ANO2: variants seen among roughly 807,000 people sequenced by gnomAD.
ANO2 encodes anoctamin 2.
A neutral mutation model predicts 124.2 loss-of-function variants in ANO2; 101 were observed. The observed-to-expected ratio is 0.81, with a 90% CI of 0.69 to 0.96. The LOEUF (loss-of-function observed/expected upper bound fraction) is 0.96, where lower values mean the gene tolerates loss of function less well. Ranked by LOEUF, ANO2 falls within the 40% of genes least tolerant of loss-of-function variation. The pLI, the probability that ANO2 is intolerant of heterozygous loss-of-function variation, is 0.00. For missense variants in ANO2, 1,293 were observed against 1,274.5 expected (o/e 1.01, Z -0.22); for synonymous variants, 486 against 482.5 (o/e 1.01, Z -0.09).
chr12:5,661,031 A>C (rs1384495874), intron 14 of ANO2, among the ~76,000 whole-genome samples: 4 of 152,198 alleles, frequency 2.6e-5, no homozygotes. Flanking sequence ...TGGCCCACAG[A>C]CCTGAAGAGC....
chr12:5,858,960 C>T (rs1187198391), intron 3 of ANO2, among the ~76,000 whole-genome samples: 2 of 152,206 alleles, frequency 1.3e-5, no homozygotes, highest in Admixed American at 1.3e-4. Flanking sequence ...AAATGTCCCA[C>T]ATGTCCTAAA....
intron 14 of ANO2, among the ~76,000 whole-genome samples, chr12:5,723,737 T>A (rs1180305245): frequency 6.6e-6 from 1 of 152,146 alleles, no homozygotes; most frequent in East Asian, 1.9e-4. Context: ...TACATAAAAT[T>A]GTCAGGGGGC....
Position 5,862,637 on chromosome 12 carries a change from C to T in ANO2, c.535-8496G>A, listed in dbSNP as rs980067444. On this transcript the variant is annotated intron_variant, in intron 3 of 24. Coordinates refer to ENST00000682330, the MANE Select transcript of ANO2 (RefSeq NM_001364791.2). This position sits in a 1 kb window ranked among gnomAD's most constrained non-coding sequence, Gnocchi z 4.0. ...TCTGACTCTGTCCCTGCCCAAATCT[C>T]ATCTTGAATTGTAGCTCCCATAATT... Among the ~76,000 whole-genome samples, 6 of 152,188 alleles carry T rather than the reference C, an allele frequency of 3.9e-5. No homozygotes were observed. Among genetic ancestry groups the T allele is most frequent in the African/African-American group, 1.4e-4 (6 of 41,434 alleles).
intron 19 of ANO2, among the ~76,000 whole-genome samples, chr12:5,603,144 T>C (rs1044347864): frequency 3.3e-5 from 5 of 152,150 alleles, no homozygotes; most frequent in African/African-American, 1.2e-4. Flanking sequence ...TTGATAGCTC[T>C]ATAGAAGGTT....
chr12:5,637,468 C>T (rs947529224), intron 15 of ANO2, among the ~76,000 whole-genome samples: 3 of 151,790 alleles, frequency 2.0e-5, no homozygotes, highest in African/African-American at 7.3e-5. Flanking sequence ...TGAAGGAAGA[C>T]GTGGGGAGAT....
At chr12:5,788,801 C>T (rs563304771) in intron 10 of ANO2, among the ~76,000 whole-genome samples, 98 of 152,254 alleles carry the variant, frequency 6.4e-4, no homozygotes, top group African/African-American at 2.3e-3. Context: ...TCAGGTGATC[C>T]GCCCACCTCG....
intron 10 of ANO2, among the ~76,000 whole-genome samples, chr12:5,762,562 G>A (rs1424480697): frequency 2.0e-5 from 3 of 151,838 alleles, no homozygotes; most frequent in Non-Finnish European, 4.4e-5. Flanking sequence ...TTTTGTTAAA[G>A]AAGAGTAATT....
intron 16 of ANO2, among the ~76,000 whole-genome samples, chr12:5,629,252 C>A (rs1035117558): frequency 1.3e-5 from 2 of 152,218 alleles, no homozygotes; most frequent in African/African-American, 4.8e-5. Context: ...AGCAAGCCAA[C>A]AGCATTTTGA....
chr12:5,565,528 A>T, intron 24 of ANO2, 30 bp downstream of exon 24: 1 of 1,544,776 alleles, frequency 6.5e-7, no homozygotes, highest in Non-Finnish European at 8.8e-7. Context: ...CCCGGATTCG[A>T]ATGGGCTATT....
intron 3 of ANO2, chr12:5,870,326 G>T (rs925581561): frequency 6.6e-6 from 1 of 152,198 alleles, no homozygotes; most frequent in South Asian, 2.1e-4. Flanking sequence ...CCCAGCCCAG[G>T]GCAGTGGGGG....
intron 14 of ANO2, among the ~76,000 whole-genome samples, chr12:5,712,334 G>A (rs940192903): frequency 1.3e-5 from 2 of 151,968 alleles, no homozygotes; most frequent in African/African-American, 4.8e-5. Context: ...AGGATCTCAA[G>A]ATGAGATCAT....
chr12:5,788,375 A>G (rs1021664851), intron 10 of ANO2, among the ~76,000 whole-genome samples: 1 of 152,234 alleles, frequency 6.6e-6, no homozygotes, highest in African/African-American at 2.4e-5. Context: ...ATCATTATTA[A>G]TAGCTCTCAC....
chr12:5,810,853 G>A (rs1168881233), intron 7 of ANO2, among the ~76,000 whole-genome samples: 1 of 152,186 alleles, frequency 6.6e-6, no homozygotes, highest in African/African-American at 2.4e-5. Context: ...GACACAACCA[G>A]GCCTAGCAAC....
At chr12:5,889,807 C>T (rs890970139) in intron 3 of ANO2, among the ~76,000 whole-genome samples, 4 of 152,254 alleles carry the variant, frequency 2.6e-5, no homozygotes, top group African/African-American at 9.6e-5. Flanking sequence ...GTATTAACTT[C>T]CTACTGATCA....
chr12:5,698,625 G>T (rs1164535788), intron 14 of ANO2, among the ~76,000 whole-genome samples: 2 of 152,210 alleles, frequency 1.3e-5, no homozygotes, highest in African/African-American at 4.8e-5. Flanking sequence ...AGAGAAGAAG[G>T]CTTCAGACAA....
intron 10 of ANO2, among the ~76,000 whole-genome samples, chr12:5,780,606 T>C (rs1329587310): frequency 6.6e-6 from 1 of 152,146 alleles, no homozygotes; most frequent in Non-Finnish European, 1.5e-5. Flanking sequence ...AAGTGATAGT[T>C]GGAAATAATT....
chr12:5,728,110 C>T (rs1391933732), intron 14 of ANO2, among the ~76,000 whole-genome samples: 1 of 152,110 alleles, frequency 6.6e-6, no homozygotes, highest in Non-Finnish European at 1.5e-5. Flanking sequence ...CCGGCCTCAC[C>T]ACTTCTATTC....
intron 10 of ANO2, among the ~76,000 whole-genome samples, chr12:5,756,135 T>A (rs562460781): frequency 6.6e-6 from 1 of 152,080 alleles, no homozygotes; most frequent in South Asian, 2.1e-4. Flanking sequence ...TGACCAAGTA[T>A]GCTACTGAAG....
At chr12:5,943,277 TTGTGTGTG>T (rs138167836) in intron 1 of ANO2, among the ~76,000 whole-genome samples, 30,256 of 148,378 alleles carry the variant, frequency 0.2, 3,399 homozygotes, top group South Asian at 0.32. Context: ...GAGTGTGTGT[TTGTGTGTG>T]TGTGTGTGTG....
Sources: allele counts gnomAD v4.1 joint callset (sites outside exome capture counted in the v4.1 genomes callset), GRCh38; gene constraint gnomAD v4.1.1; non-coding constraint Gnocchi (gnomAD v3.1); transcripts MANE v1.5; gene names NCBI Gene and HGNC (gene_info 2026-07-23, HGNC 2026-07-21).